FSHR: variants seen among roughly 807,000 people sequenced by gnomAD.
The protein encoded by FSHR is follicle stimulating hormone receptor.
A neutral mutation model predicts 52.1 loss-of-function variants in FSHR; 46 were observed. The ratio of observed to expected loss-of-function variants is 0.88; its 90% CI spans 0.70 to 1.13. The LOEUF is 1.13. Ranked by LOEUF, FSHR falls within the 50% of genes most tolerant of loss-of-function variation. The probability of loss-of-function intolerance (pLI) is 0.00; values close to 1 mark genes in which losing one functional copy is unlikely to be tolerated. For synonymous variants in FSHR, 399 were observed against 309.6 expected (o/e 1.29, Z -3.03); for missense variants, 964 against 834.6 (o/e 1.16, Z -1.91).
chr2:49,065,171 G>C (rs1382460889), intron 2 of FSHR, among the ~76,000 whole-genome samples: 1 of 152,074 alleles, frequency 6.6e-6, no homozygotes, highest in Non-Finnish European at 1.5e-5. Flanking sequence ...CATATGGTGG[G>C]AAATAAAGGG....
At chr2:49,115,037 A>C (rs1397298766) in intron 1 of FSHR, among the ~76,000 whole-genome samples, 2 of 151,250 alleles carry the variant, frequency 1.3e-5, no homozygotes, top group Non-Finnish European at 2.9e-5. Context: ...TGATCCAATG[A>C]AAGCCCAGTT....
chr2:48,967,449 G>T (rs752292465), intron 9 of FSHR, among the ~76,000 whole-genome samples: 1 of 152,112 alleles, frequency 6.6e-6, no homozygotes, highest in Non-Finnish European at 1.5e-5. Flanking sequence ...CCATGGACTT[G>T]GTGCAAAATT....
rs112351235 is a variant in FSHR, at chr2:48,971,003, C to T, written c.669-2120G>A. The stretch of plus-strand genomic sequence containing the variant: ...GACAAATGCAAAGGTCTTATAACTG[C>T]CCTCATGACCATCTATTGCAATCTT... On this transcript the variant is annotated intron_variant, in intron 8 of 9. Coordinates refer to ENST00000406846, the MANE Select transcript of FSHR (RefSeq NM_000145.4). Among the ~76,000 whole-genome samples, 1,200 of 152,234 alleles carry T rather than the reference C, an allele frequency of 7.9e-3. 15 individuals are homozygous for T. The highest frequency in any genetic ancestry group is 0.028 in the African/African-American group (1,158 of 41,536).
At chr2:49,104,513 A>T (rs775369690) in intron 1 of FSHR, among the ~76,000 whole-genome samples, 30 of 152,172 alleles carry the variant, frequency 2.0e-4, no homozygotes, top group Non-Finnish European at 4.0e-4. Flanking sequence ...AAGCTTAAGA[A>T]AATGTTCTTG....
chr2:49,085,579 A>G (rs11901066), intron 1 of FSHR, among the ~76,000 whole-genome samples: 37,148 of 152,058 alleles, frequency 0.24, 4,706 homozygotes, highest in African/African-American at 0.3. Flanking sequence ...ATCTAGAACT[A>G]GAAATACCAT....
At chr2:49,126,035 C>G (rs1355733049) in intron 1 of FSHR, among the ~76,000 whole-genome samples, 1 of 152,196 alleles carries the variant, frequency 6.6e-6, no homozygotes, top group African/African-American at 2.4e-5. Context: ...GTAGGAGAAG[C>G]AGAATTTCCA....
At chr2:49,106,424 C>T (rs1339093647) in intron 1 of FSHR, among the ~76,000 whole-genome samples, 1 of 152,054 alleles carries the variant, frequency 6.6e-6, no homozygotes, top group Non-Finnish European at 1.5e-5. Context: ...TGGGGGAAGG[C>T]AATGATAGGG....
At position 49,154,401 on chromosome 2, in the gene FSHR, A is replaced by C; in HGVS notation, c.17T>G (p.Val6Gly). The change falls in exon 1 of 10, where the codon GTC becomes GGC. Residue 6 changes from valine to glycine, a missense_variant. Coordinates refer to ENST00000406846, the MANE Select transcript of FSHR (RefSeq NM_000145.4). ...CAAGCTCAGGAATGCCAGCAAAGAG[A>C]CCAGGAGCAGGGCCATAATTATGCA... MALLLVSLLAFLSLGS... is the reference protein window; with the variant it reads MALLLGSLLAFLSLGS... The C allele has an allele frequency of 6.2e-7, 1 of 1,612,704 alleles. No homozygotes were observed.
chr2:48,988,881 G>T, intron 6 of FSHR, 96 bp downstream of exon 6: 2 of 1,005,444 alleles, frequency 2.0e-6, no homozygotes, highest in Non-Finnish European at 3.1e-6. Flanking sequence ...AAATGCCAAA[G>T]TTACCCAAAC....
At chr2:49,060,750 G>A (rs1295313838) in intron 2 of FSHR, among the ~76,000 whole-genome samples, 2 of 152,158 alleles carry the variant, frequency 1.3e-5, no homozygotes, top group South Asian at 4.1e-4. Context: ...AGCCGGACTA[G>A]TTCCCTATTC....
chr2:49,052,102 G>A (rs996822420), intron 2 of FSHR, among the ~76,000 whole-genome samples: 10 of 152,198 alleles, frequency 6.6e-5, no homozygotes, highest in Admixed American at 2.6e-4. Flanking sequence ...TACAAATATA[G>A]ATAAAACATT....
In FSHR at chr2:49,127,898, C is replaced by CTTCTTCTTCTTCTTCTTCTTT. The variant is rs1558457105; in HGVS notation, c.152+26367_152+26368insAAAGAAGAAGAAGAAGAAGAA. On this transcript the variant is annotated intron_variant, in intron 1 of 9. Coordinates refer to ENST00000406846, the MANE Select transcript of FSHR (RefSeq NM_000145.4). ...TCTTCTTCTTCTTCTTCTTCTTCTT[C>CTTCTTCTTCTTCTTCTTCTTT]TTTTTTTTTTTTGAGACGGAGTCTT... 8.4e-4 allele frequency among the ~76,000 whole-genome samples: 23 copies of CTTCTTCTTCTTCTTCTTCTTT among 27,238 alleles called. 4 individuals are homozygous for CTTCTTCTTCTTCTTCTTCTTT. The highest frequency in any genetic ancestry group is 5.0e-3 in the South Asian group (3 of 604). 17.9% of individuals were successfully genotyped at this position (27,238 alleles called of 152,430 possible).
At chr2:49,031,718 A>G (rs909277515) in intron 2 of FSHR, among the ~76,000 whole-genome samples, 2 of 152,208 alleles carry the variant, frequency 1.3e-5, no homozygotes, top group African/African-American at 2.4e-5. Context: ...GTAGATCCAT[A>G]TAAGCACTTA....
intron 2 of FSHR, among the ~76,000 whole-genome samples, chr2:49,033,674 C>A (rs1668181100): frequency 6.6e-6 from 1 of 152,032 alleles, no homozygotes; most frequent in Non-Finnish European, 1.5e-5. Flanking sequence ...ATCCCTGGGC[C>A]CCTTTGAGAG....
intron 4 of FSHR, among the ~76,000 whole-genome samples, chr2:49,012,217 G>C (rs1298070431): frequency 6.6e-6 from 1 of 152,022 alleles, no homozygotes; most frequent in African/African-American, 2.4e-5. Context: ...AGGATGCAAA[G>C]GCAAGAAAAT....
At chr2:49,073,828 C>T (rs1669845444) in intron 1 of FSHR, among the ~76,000 whole-genome samples, 1 of 151,944 alleles carries the variant, frequency 6.6e-6, no homozygotes, top group South Asian at 2.1e-4. Context: ...AAGGTATTGG[C>T]ATGAAAATAG....
At chr2:49,037,544 T>C (rs1668310175) in intron 2 of FSHR, among the ~76,000 whole-genome samples, 1 of 151,942 alleles carries the variant, frequency 6.6e-6, no homozygotes, top group Non-Finnish European at 1.5e-5. Context: ...CTCAAAGAGA[T>C]ACAGAAAGAT....
chr2:49,153,284 A>T (rs1325887751), intron 1 of FSHR, among the ~76,000 whole-genome samples: 1 of 152,238 alleles, frequency 6.6e-6, no homozygotes, highest in East Asian at 1.9e-4. Flanking sequence ...GCTTCTGTTT[A>T]AAATCCTTGC....
At chr2:49,130,185 A>T (rs1672213081) in intron 1 of FSHR, among the ~76,000 whole-genome samples, 1 of 152,134 alleles carries the variant, frequency 6.6e-6, no homozygotes, top group African/African-American at 2.4e-5. Flanking sequence ...GTCTGCCCTG[A>T]TGTTTTGCTA....
Sources: gnomAD v4.1 joint callset for allele counts (sites outside exome capture counted in the v4.1 genomes callset) on GRCh38, gnomAD v4.1.1 for gene constraint, MANE v1.5 for transcripts, NCBI Gene and HGNC (gene_info 2026-07-23, HGNC 2026-07-21) for gene names.